Variants in TCF20 observed in about 807,000 individuals in gnomAD.
TCF20 encodes the protein SPRE-binding protein.
TCF20 carries 3 observed loss-of-function variants against 148.6 expected under a neutral mutation model. The ratio of observed to expected loss-of-function variants is 0.02; its 90% CI spans 0.01 to 0.05. The LOEUF is 0.05. TCF20 is among the 10% of genes least tolerant of loss of function. The pLI is 1.00. For synonymous variants in TCF20, 1,049 were observed against 909.5 expected, an observed-to-expected ratio of 1.15 and a Z score of -2.76; for missense variants, 2,350 against 2,429.3, an observed-to-expected ratio of 0.97 and a Z score of 0.69.
intron 1 of TCF20, among the ~76,000 whole-genome samples, chr22:42,250,210 G>A (rs563414419): frequency 9.9e-5 from 15 of 152,218 alleles, no homozygotes; most frequent in South Asian, 2.1e-4. Context: ...AGGCCAAGGC[G>A]GGCAGATCAC....
intron 5 of TCF20, among the ~76,000 whole-genome samples, chr22:42,165,157 G>A (rs1468998332): frequency 6.6e-6 from 1 of 152,344 alleles, no homozygotes; most frequent in South Asian, 2.1e-4. Context: ...CTCTGGAGGT[G>A]TAACCCTGGA....
Position 42,213,562 on chromosome 22 carries a change from T to G in TCF20, c.1744A>C (p.Thr582Pro), listed in dbSNP as rs376787114. ...GGCATGTCCTTAGCGCCTGGTGAGGTGGCCTCTTCTCTTGCGGCAGGACTA... is the reference window on the plus strand; with the variant it reads ...GGCATGTCCTTAGCGCCTGGTGAGGGGGCCTCTTCTCTTGCGGCAGGACTA... ...NASPAAREEA[T>P]SPGAKDMPLS... The change falls in exon 2 of 6, where the codon ACC (threonine) becomes CCC (proline). Residue 582 changes from threonine (T) to proline (P), a missense_variant. Around this residue, in one of 7 missense-constraint regions of TCF20, gnomAD observed 1,641 missense variants for 1,662.6 expected, o/e 0.99. Transcript: ENST00000677622. The G allele has an allele frequency of 2.5e-6, 4 of 1,614,148 alleles. No homozygotes were observed. The highest frequency in any genetic ancestry group is 1.3e-5 in the African/African-American group (1 of 75,030).
At chr22:42,259,594 G>A (rs1255590002) in intron 1 of TCF20, among the ~76,000 whole-genome samples, 6 of 152,018 alleles carry the variant, frequency 3.9e-5, no homozygotes, top group South Asian at 2.1e-4. Context: ...TCCAATATTC[G>A]CTTCCTCAGT....
At chr22:42,306,526 CA>C (rs1927437452) in intron 1 of TCF20, among the ~76,000 whole-genome samples, 2 of 152,212 alleles carry the variant, frequency 1.3e-5, no homozygotes, top group African/African-American at 2.4e-5. Flanking sequence ...AGTGGGCCTC[CA>C]CTGTGCCCGT....
In TCF20 at chr22:42,290,001, T is replaced by A. The variant is rs1927103848; in HGVS notation, c.-37+53478A>T. Among the ~76,000 whole-genome samples the A allele has an allele frequency of 6.6e-6, 1 of 152,234 alleles. No homozygotes were observed. Among genetic ancestry groups the A allele is most frequent in the Admixed American group, 6.5e-5 (1 of 15,290 alleles). Reference sequence around the variant, plus strand: ...AATCGCCGTAATATTCTCCTCGGCGTGTGCAGGCGGCCGGGGCGATGTTCC... The same window carrying A: ...AATCGCCGTAATATTCTCCTCGGCGAGTGCAGGCGGCCGGGGCGATGTTCC... On this transcript the variant is annotated intron_variant, in intron 1 of 1. Coordinates refer to the TCF20 transcript ENST00000515426. This position sits in a 1 kb window ranked among gnomAD's most constrained non-coding sequence, Gnocchi z 4.2.
intron 1 of TCF20, among the ~76,000 whole-genome samples, chr22:42,267,211 G>A (rs1406314896): frequency 6.6e-6 from 1 of 152,164 alleles, no homozygotes; most frequent in Non-Finnish European, 1.5e-5. Flanking sequence ...AGGTTGCAGT[G>A]AGCCAAGATC....
chr22:42,220,660 A>G (rs1922276013), intron 1 of TCF20, among the ~76,000 whole-genome samples: 1 of 152,080 alleles, frequency 6.6e-6, no homozygotes, highest in African/African-American at 2.4e-5. Context: ...TATGCCCTAG[A>G]ACGGACAATG....
intron 1 of TCF20, among the ~76,000 whole-genome samples, chr22:42,224,020 T>C (rs1922617846): frequency 1.3e-5 from 2 of 152,198 alleles, no homozygotes; most frequent in South Asian, 4.2e-4. Flanking sequence ...GTCAGTTCCT[T>C]GTCTAGAAGG....
intron 5 of TCF20, among the ~76,000 whole-genome samples, chr22:42,161,811 T>C (rs1290073684): frequency 6.6e-6 from 1 of 152,128 alleles, no homozygotes; most frequent in Non-Finnish European, 1.5e-5. Context: ...CACAGCTGCC[T>C]CTAGTCAACA....
intron 1 of TCF20, among the ~76,000 whole-genome samples, chr22:42,255,257 C>T (rs1181102836): frequency 1.3e-5 from 2 of 152,006 alleles, no homozygotes; most frequent in East Asian, 1.9e-4. Flanking sequence ...GAGGCCAAGG[C>T]GGGCGGATCA....
Position 42,214,724 on chromosome 22 carries a change from C to T in TCF20, c.582G>A (p.Leu194=). Reference sequence around the variant, plus strand: ...ATGCTGGTTGGCCAGTGGCCTGTGGCAGGGGCTGATGGGACTGGTAAAGCT... The same window carrying T: ...ATGCTGGTTGGCCAGTGGCCTGTGGTAGGGGCTGATGGGACTGGTAAAGCT... ...RQQLYQSHQP[L]PQATGQPASS... is the part of the protein sequence containing the mutation. The change falls in exon 2 of 6, where the codon CTG becomes CTA. Residue 194 remains leucine, a synonymous_variant. Coordinates refer to ENST00000677622, the MANE Select transcript of TCF20 (RefSeq NM_001378418.1). The T allele has an allele frequency of 1.2e-6, 2 of 1,614,088 alleles. No individual in the cohort carries two copies. The highest frequency in any genetic ancestry group is 1.7e-6 in the Non-Finnish European group (2 of 1,180,022).
intron 1 of TCF20, among the ~76,000 whole-genome samples, chr22:42,314,017 C>T (rs774774335): frequency 2.6e-5 from 4 of 152,346 alleles, no homozygotes; most frequent in East Asian, 1.9e-4. Flanking sequence ...CTCAGTGCAA[C>T]GGCAGGTGCT....
intron 2 of TCF20, among the ~76,000 whole-genome samples, chr22:42,193,286 C>A (rs115714309): frequency 0.015 from 2,220 of 150,522 alleles, 50 homozygotes; most frequent in African/African-American, 0.051. Flanking sequence ...CCTCCACCTA[C>A]ACTTTTTTTT....
At position 42,213,359 on chromosome 22, in the gene TCF20, A is replaced by G; in HGVS notation, c.1947T>C (p.His649=). ...PSNGGAKETS[H]ASLPQPEPPG... ...GAGGCTCTGGCTGGGGAAGTGATGC[A>G]TGACTGGTTTCCTTTGCCCCACCAT... Residue 649 remains histidine, a synonymous_variant, in exon 2 of 6, where the codon CAT becomes CAC. Transcript: ENST00000677622. 1.2e-6 allele frequency: 2 copies of G among 1,614,064 alleles called. No homozygotes were observed. Among genetic ancestry groups the G allele is most frequent in the Non-Finnish European group, 1.7e-6 (2 of 1,180,004 alleles).
intron 1 of TCF20, among the ~76,000 whole-genome samples, chr22:42,322,172 A>C (rs1320361491): frequency 1.3e-5 from 2 of 151,918 alleles, no homozygotes; most frequent in Non-Finnish European, 1.5e-5. Flanking sequence ...AACACAAAAC[A>C]GGCAGTGGCA....
intron 1 of TCF20, among the ~76,000 whole-genome samples, chr22:42,252,755 A>G (rs1020141231): frequency 6.6e-6 from 1 of 152,124 alleles, no homozygotes; most frequent in Non-Finnish European, 1.5e-5. Context: ...CCCAGCCTTT[A>G]AAAGCTTTTT....
chr22:42,342,095 G>A (rs1022246812), intron 1 of TCF20, among the ~76,000 whole-genome samples: 4 of 152,156 alleles, frequency 2.6e-5, no homozygotes, highest in South Asian at 4.1e-4. Context: ...CAGGGGAGAC[G>A]GCTCAGAGGA....
chr22:42,311,191 C>T (rs1017211717), intron 1 of TCF20, among the ~76,000 whole-genome samples: 4 of 152,192 alleles, frequency 2.6e-5, no homozygotes, highest in Admixed American at 2.0e-4. Flanking sequence ...CTCCCACCTG[C>T]GGCAGGCTCT....
chr22:42,210,730 C>G lies in TCF20; in HGVS notation c.4576G>C (p.Glu1526Gln), dbSNP rs1414077221. Residue 1526 changes from glutamate to glutamine, a missense_variant, in exon 2 of 6, where the codon GAG (glutamate) becomes CAG (glutamine). Glu to Gln is a conservative substitution (Grantham distance 29). Coordinates refer to ENST00000677622, the MANE Select transcript of TCF20 (RefSeq NM_001378418.1). The surrounding 1 kb of genome is among the most constrained non-coding windows in gnomAD (Gnocchi z 4.7). ...AAATATCCCTTTGGAGGGAAACCCT[C>G]TTGCTTCGGTGAAATCGTCACTGTA... ...NDTVTISPKQEGFPPKGYFPS... is the reference protein window; with the variant it reads ...NDTVTISPKQQGFPPKGYFPS... The G allele has an allele frequency of 6.2e-7, 1 of 1,614,132 alleles. No individual in the cohort carries two copies. Among genetic ancestry groups the G allele is most frequent in the Non-Finnish European group, 8.5e-7 (1 of 1,180,046 alleles).
Sources: allele counts gnomAD v4.1 joint callset (sites outside exome capture counted in the v4.1 genomes callset), GRCh38; gene constraint gnomAD v4.1.1; regional missense constraint gnomAD v4.1.1; non-coding constraint Gnocchi (gnomAD v3.1); transcripts MANE v1.5; gene names NCBI Gene and HGNC (gene_info 2026-07-23, HGNC 2026-07-21).